The following TBX19 variants were observed in gnomAD, a reference collection of about 807,000 sequenced individuals.
TBX19 encodes T-box transcription factor TBX19.
A neutral mutation model predicts 40.9 loss-of-function variants in TBX19; 33 were observed. The observed-to-expected ratio is 0.81, with a 90% CI of 0.61 to 1.08. TBX19 has a LOEUF of 1.08. Among genes scored for constraint, TBX19 ranks in the 50% least tolerant of loss-of-function variants. TBX19 has a pLI of 0.00. For missense variants in TBX19, 494 were observed against 574.0 expected, an observed-to-expected ratio of 0.86 and a Z score of 1.42; for synonymous variants, 220 against 225.0, an observed-to-expected ratio of 0.98 and a Z score of 0.20.
intron 6 of TBX19, among the ~76,000 whole-genome samples, chr1:168,307,666 T>C (rs1649435073): frequency 6.6e-6 from 1 of 152,116 alleles, no homozygotes; most frequent in South Asian, 2.1e-4. Context: ...CCCTCTGCCT[T>C]CTTCCTCTCT....
In TBX19 at chr1:168,313,056, A is replaced by G; in HGVS notation, c.*54A>G. 1 of 1,604,980 alleles carries G rather than the reference A, an allele frequency of 6.2e-7. No homozygotes were observed. The highest frequency in any genetic ancestry group is 8.5e-7 in the Non-Finnish European group (1 of 1,172,524). On this transcript the variant is annotated 3_prime_UTR_variant, in exon 8 of 8. Transcript: ENST00000367821. ...CGATCCTTCCATGTGTAGAGTGCTT[A>G]GAAACCCCATCAACTGATCTAGTGA...
At chr1:168,291,634 G>A (rs1427274180) in intron 2 of TBX19, among the ~76,000 whole-genome samples, 8 of 152,156 alleles carry the variant, frequency 5.3e-5, no homozygotes, top group Non-Finnish European at 1.5e-5. Flanking sequence ...CTGATGTTAA[G>A]AGAGTGAGAG....
chr1:168,294,722 G>A (rs1409164611), intron 3 of TBX19, among the ~76,000 whole-genome samples: 1 of 152,062 alleles, frequency 6.6e-6, no homozygotes, highest in Non-Finnish European at 1.5e-5. Flanking sequence ...GGCAGGTCTC[G>A]AACTCCTGAC....
At chr1:168,289,537 G>A (rs13376221) in intron 1 of TBX19, among the ~76,000 whole-genome samples, 11,591 of 152,170 alleles carry the variant, frequency 0.076, 802 homozygotes, top group African/African-American at 0.18. Flanking sequence ...GGAATGCATC[G>A]TCTGATGCAT....
At chr1:168,289,083 T>C (rs907552422) in intron 1 of TBX19, among the ~76,000 whole-genome samples, 5 of 152,224 alleles carry the variant, frequency 3.3e-5, no homozygotes, top group Non-Finnish European at 7.3e-5. Flanking sequence ...ACTTTAGTAC[T>C]TCAGAAGAAA....
intron 7 of TBX19, among the ~76,000 whole-genome samples, chr1:168,311,263 C>G (rs898637882): frequency 2.6e-5 from 4 of 151,776 alleles, no homozygotes; most frequent in African/African-American, 9.7e-5. Flanking sequence ...TACTCAAAGA[C>G]AACTATAAGG....
chr1:168,286,374 C>A (rs530911580), intron 1 of TBX19, among the ~76,000 whole-genome samples: 1 of 152,352 alleles, frequency 6.6e-6, no homozygotes, highest in Non-Finnish European at 1.5e-5. Flanking sequence ...CAAAAGGAAG[C>A]CCTGCGCCCT....
In TBX19 at chr1:168,293,689, C is replaced by T. The variant is rs1558191237; in HGVS notation, c.603+411C>T. ...GTCTGTAGCAAGTGATCCAAACATG[C>T]ACCCTCCCTTGGGTTTTATTATGCT... On this transcript the variant is annotated intron_variant, in intron 3 of 7. Coordinates refer to ENST00000367821, the MANE Select transcript of TBX19 (RefSeq NM_005149.3). Among the ~76,000 whole-genome samples the T allele has an allele frequency of 3.9e-5, 6 of 152,242 alleles. No homozygotes were observed. In the South Asian group the frequency reaches 1.2e-3, roughly 32 times the overall value.
chr1:168,307,043 G>C (rs375656387), intron 6 of TBX19, among the ~76,000 whole-genome samples: 2 of 152,276 alleles, frequency 1.3e-5, no homozygotes, highest in Admixed American at 1.3e-4. Context: ...GGCATTCCAG[G>C]TAGAGAGAGT....
At chr1:168,300,872 T>C (rs2072739) in intron 5 of TBX19, among the ~76,000 whole-genome samples, 30,527 of 152,082 alleles carry the variant, frequency 0.2, 5,039 homozygotes, top group African/African-American at 0.45. Context: ...TGGAGTTGGT[T>C]CCCATAGCAA....
At chr1:168,290,895 T>C (rs113567108) in intron 1 of TBX19, among the ~76,000 whole-genome samples, 10 of 152,338 alleles carry the variant, frequency 6.6e-5, no homozygotes, top group African/African-American at 2.2e-4. Flanking sequence ...TTGATACATC[T>C]TGGGCTTCAG....
intron 6 of TBX19, among the ~76,000 whole-genome samples, chr1:168,306,623 T>C (rs1288522519): frequency 1.0e-4 from 8 of 77,640 alleles, no homozygotes; most frequent in African/African-American, 4.2e-4. Flanking sequence ...CAAGACGCCA[T>C]CTCAAAAAAA....
At chr1:168,310,171 G>T (rs1349640823) in intron 7 of TBX19, among the ~76,000 whole-genome samples, 2 of 151,952 alleles carry the variant, frequency 1.3e-5, no homozygotes, top group African/African-American at 4.8e-5. Flanking sequence ...GCGTGGTGGT[G>T]CATGCCTGTA....
At chr1:168,286,119 A>G (rs1481915959) in intron 1 of TBX19, among the ~76,000 whole-genome samples, 1 of 152,268 alleles carries the variant, frequency 6.6e-6, no homozygotes, top group Non-Finnish European at 1.5e-5. Flanking sequence ...AAATAATTAT[A>G]AAGTTCTTGG....
At chr1:168,298,379 T>G (rs1227058913) in intron 4 of TBX19, among the ~76,000 whole-genome samples, 1 of 152,122 alleles carries the variant, frequency 6.6e-6, no homozygotes, top group Non-Finnish European at 1.5e-5. Context: ...AAAAATTAAA[T>G]GATTTAGATT....
At chr1:168,297,125 C>T (rs1649132212) in intron 3 of TBX19, among the ~76,000 whole-genome samples, 1 of 152,136 alleles carries the variant, frequency 6.6e-6, no homozygotes, top group Admixed American at 6.5e-5. Flanking sequence ...CGTCAGATGT[C>T]TCTAATGAGA....
chr1:168,294,338 C>CT (rs71118921), intron 3 of TBX19, among the ~76,000 whole-genome samples: 26,649 of 145,552 alleles, frequency 0.18, 3,125 homozygotes, highest in South Asian at 0.32. Flanking sequence ...CAACTGTTTT[C>CT]TTTTTTTTTT....
At chr1:168,299,058 T>A (rs1312885909) in intron 4 of TBX19, among the ~76,000 whole-genome samples, 1 of 150,478 alleles carries the variant, frequency 6.6e-6, no homozygotes, top group Non-Finnish European at 1.5e-5. Flanking sequence ...GGATTACAGG[T>A]GGCCACCACC....
chr1:168,300,558 T>C, intron 5 of TBX19, 75 bp downstream of exon 5: 1 of 1,404,736 alleles, frequency 7.1e-7, no homozygotes, highest in Non-Finnish European at 1.0e-6. Flanking sequence ...CTCAGACTCT[T>C]TGCCTGTCAG....
Sources: allele counts gnomAD v4.1 joint callset (sites outside exome capture counted in the v4.1 genomes callset), GRCh38; gene constraint gnomAD v4.1.1; transcripts MANE v1.5; gene names NCBI Gene and HGNC (gene_info 2026-07-23, HGNC 2026-07-21).